MCF2L2: variants seen among roughly 807,000 people sequenced by gnomAD.
The protein encoded by MCF2L2 is MCF.2 cell line derived transforming sequence-like 2, also known as probable guanine nucleotide exchange factor MCF2L2.
Under a neutral mutation model 150.2 loss-of-function variants are expected in MCF2L2, and 102 were observed. That is an observed-to-expected ratio of 0.68 (90% CI 0.58 to 0.80). MCF2L2 has a LOEUF of 0.80. Ranked by LOEUF, MCF2L2 falls within the 30% of genes least tolerant of loss-of-function variation. MCF2L2 has a pLI of 0.00. For missense variants in MCF2L2, 1,256 were observed against 1,372.8 expected, an observed-to-expected ratio of 0.91 and a Z score of 1.34; for synonymous variants, 465 against 491.3, an observed-to-expected ratio of 0.95 and a Z score of 0.71.
At chr3:183,211,065 A>G (rs543547991) in intron 22 of MCF2L2, among the ~76,000 whole-genome samples, 2 of 152,176 alleles carry the variant, frequency 1.3e-5, no homozygotes, top group African/African-American at 4.8e-5. Flanking sequence ...AAACAGAACT[A>G]TGAAGAAGGT....
intron 15 of MCF2L2, among the ~76,000 whole-genome samples, chr3:183,231,935 G>T (rs919033045): frequency 6.6e-6 from 1 of 152,082 alleles, no homozygotes; most frequent in Non-Finnish European, 1.5e-5. Flanking sequence ...AATTTAAGAC[G>T]GTCCCCAAGA....
intron 15 of MCF2L2, among the ~76,000 whole-genome samples, chr3:183,231,842 G>C (rs758014122): frequency 5.3e-5 from 8 of 152,266 alleles, no homozygotes; most frequent in Non-Finnish European, 1.2e-4. Context: ...GGCATTGGAT[G>C]TTTCACTGTG....
At chr3:183,316,194 C>T (rs1046159239) in intron 7 of MCF2L2, among the ~76,000 whole-genome samples, 4 of 152,142 alleles carry the variant, frequency 2.6e-5, no homozygotes, top group Non-Finnish European at 5.9e-5. Flanking sequence ...CTAGGAATCA[C>T]GTGAACTTAG....
At chr3:183,423,628 A>ATTTTT (rs1715998713) in intron 1 of MCF2L2, among the ~76,000 whole-genome samples, 1 of 100,678 alleles carries the variant, frequency 9.9e-6, no homozygotes, top group African/African-American at 3.7e-5. Context: ...TTTAAATTTT[A>ATTTTT]TTTGTTTTTT....
chr3:183,381,128 T>C (rs1292454069), intron 2 of MCF2L2, among the ~76,000 whole-genome samples: 1 of 152,178 alleles, frequency 6.6e-6, no homozygotes, highest in East Asian at 1.9e-4. Context: ...ACCTCCCAAG[T>C]TATGTCCTTG....
chr3:183,182,840 G>A (rs1721577168), intron 27 of MCF2L2: 1 of 152,294 alleles, frequency 6.6e-6, no homozygotes, highest in African/African-American at 2.4e-5. Flanking sequence ...CTCACAGGGT[G>A]CCCCGCCAGG....
At chr3:183,409,496 A>T (rs190649892) in intron 1 of MCF2L2, among the ~76,000 whole-genome samples, 33 of 152,222 alleles carry the variant, frequency 2.2e-4, no homozygotes, top group African/African-American at 7.5e-4. Context: ...AAATGTACAT[A>T]ATAAAGCACA....
intron 4 of MCF2L2, among the ~76,000 whole-genome samples, chr3:183,340,879 G>T (rs1398269053): frequency 2.6e-5 from 4 of 152,324 alleles, no homozygotes; most frequent in Admixed American, 2.6e-4. Flanking sequence ...GGAGGCAGAG[G>T]TTGCAGTCAG....
intron 13 of MCF2L2, among the ~76,000 whole-genome samples, chr3:183,291,880 C>G (rs552808197): frequency 2.9e-4 from 44 of 152,296 alleles, no homozygotes; most frequent in African/African-American, 1.0e-3. Flanking sequence ...CCCTGTAATT[C>G]CTGCTTTATT....
chr3:183,292,579 A>G (rs907031670), intron 13 of MCF2L2, among the ~76,000 whole-genome samples: 2 of 151,906 alleles, frequency 1.3e-5, no homozygotes, highest in African/African-American at 4.8e-5. Flanking sequence ...ACACACACAC[A>G]CACACACACA....
At position 183,297,119 on chromosome 3, in the gene MCF2L2, C is replaced by T. The variant is rs746389821; in HGVS notation, c.1354G>A (p.Val452Ile). 5 of 1,614,138 alleles carry T rather than the reference C, an allele frequency of 3.1e-6. No homozygotes were observed. The East Asian group carries it at 8.9e-5, about 29-fold the overall frequency. Residue 452 changes from valine to isoleucine, a missense_variant, in exon 12 of 30, where the codon GTA (valine) becomes ATA (isoleucine). Coordinates refer to ENST00000328913, the MANE Select transcript of MCF2L2 (RefSeq NM_015078.4). ...AGIYLLASQAVDKCQSREGVD... is the reference protein window; with the variant it reads ...AGIYLLASQAIDKCQSREGVD... ...CCTTCTCGAGACTGGCACTTGTCTACAGCTTGGGAAGCCAAGAGGTAGATT... is the reference window on the plus strand; with the variant it reads ...CCTTCTCGAGACTGGCACTTGTCTATAGCTTGGGAAGCCAAGAGGTAGATT...
chr3:183,325,387 T>C (rs1477174899), intron 5 of MCF2L2, among the ~76,000 whole-genome samples: 1 of 152,134 alleles, frequency 6.6e-6, no homozygotes, highest in East Asian at 1.9e-4. Context: ...CACCTTAACC[T>C]TGTCAGGCCC....
intron 22 of MCF2L2, among the ~76,000 whole-genome samples, chr3:183,209,013 A>G (rs1247633024): frequency 7.0e-6 from 1 of 143,838 alleles, no homozygotes; most frequent in Non-Finnish European, 1.5e-5. Flanking sequence ...TGGTGAATAA[A>G]ACCCTCAAAC....
chr3:183,201,651 C>T (rs544387799), intron 25 of MCF2L2, among the ~76,000 whole-genome samples: 75 of 152,286 alleles, frequency 4.9e-4, no homozygotes, highest in Non-Finnish European at 9.3e-4. Flanking sequence ...GCCAGAACTT[C>T]CAACACTATG....
chr3:183,400,345 C>G (rs1271930313), intron 1 of MCF2L2: 4 of 452,388 alleles, frequency 8.8e-6, no homozygotes, highest in Non-Finnish European at 1.8e-5. Flanking sequence ...CTTGCTTCCA[C>G]ACTACCTTTT....
chr3:183,312,208 A>C (rs900422066), intron 7 of MCF2L2, among the ~76,000 whole-genome samples: 2 of 152,210 alleles, frequency 1.3e-5, no homozygotes, highest in African/African-American at 2.4e-5. Flanking sequence ...AGTTGGTCTC[A>C]TCAATAAACA....
intron 15 of MCF2L2, among the ~76,000 whole-genome samples, chr3:183,248,709 G>A (rs755381981): frequency 1.3e-5 from 2 of 152,160 alleles, no homozygotes; most frequent in East Asian, 1.9e-4. Context: ...GTGATGGGGT[G>A]CACCTGTAGT....
At chr3:183,279,898 G>T (rs897324881) in intron 14 of MCF2L2, among the ~76,000 whole-genome samples, 2 of 152,098 alleles carry the variant, frequency 1.3e-5, no homozygotes, top group East Asian at 1.9e-4. Flanking sequence ...GCATAGTGGC[G>T]CATGTCTGTA....
chr3:183,413,260 G>A (rs909669850), intron 1 of MCF2L2, among the ~76,000 whole-genome samples: 1 of 152,066 alleles, frequency 6.6e-6, no homozygotes, highest in African/African-American at 2.4e-5. Context: ...GCCTACTGTT[G>A]ACTGGATGCC....
Sources: gnomAD v4.1 joint callset for allele counts (sites outside exome capture counted in the v4.1 genomes callset) on GRCh38, gnomAD v4.1.1 for gene constraint, MANE v1.5 for transcripts, NCBI Gene and HGNC (gene_info 2026-07-23, HGNC 2026-07-21) for gene names.